PLPPR5: variants seen among roughly 807,000 people sequenced by gnomAD.
PLPPR5 encodes phospholipid phosphatase-related protein type 5.
PLPPR5 carries 16 observed loss-of-function variants against 33.9 expected under a neutral mutation model. The observed-to-expected ratio is 0.47, with a 90% CI of 0.32 to 0.72. The LOEUF is 0.72. PLPPR5 is among the 30% of genes least tolerant of loss of function. PLPPR5 has a pLI of 0.03. For missense variants in PLPPR5, 301 were observed against 406.7 expected (o/e 0.74, Z 2.23); for synonymous variants, 163 against 150.3 (o/e 1.08, Z -0.62).
intron 3 of PLPPR5, among the ~76,000 whole-genome samples, chr1:98,927,917 C>G (rs1410736825): frequency 6.6e-6 from 1 of 151,612 alleles, no homozygotes; most frequent in Admixed American, 6.6e-5. Context: ...ATAAGACTTT[C>G]ATTATATATA....
At chr1:98,910,219 C>T (rs138868858) in intron 5 of PLPPR5, among the ~76,000 whole-genome samples, 80 of 152,302 alleles carry the variant, frequency 5.3e-4, no homozygotes, top group African/African-American at 1.7e-3. Context: ...GCAGACCAAA[C>T]TTTCACACCA....
chr1:98,946,759 C>T (rs1650570087), intron 3 of PLPPR5, among the ~76,000 whole-genome samples: 1 of 152,122 alleles, frequency 6.6e-6, no homozygotes, highest in South Asian at 2.1e-4. Flanking sequence ...TCAGGGCAGA[C>T]TAATCCAGCA....
chr1:98,920,858 A>T (rs1334120047), intron 4 of PLPPR5, among the ~76,000 whole-genome samples: 1 of 152,120 alleles, frequency 6.6e-6, no homozygotes, highest in Non-Finnish European at 1.5e-5. Flanking sequence ...TCAATGCAAA[A>T]ATATGTTTTG....
At chr1:98,965,606 G>C (rs147111464) in intron 1 of PLPPR5, among the ~76,000 whole-genome samples, 76 of 152,266 alleles carry the variant, frequency 5.0e-4, no homozygotes, top group African/African-American at 1.8e-3. Context: ...ACATCACTTT[G>C]TTCTCATACC....
chr1:99,004,456 G>T lies in PLPPR5; in HGVS notation c.216C>A (p.Ala72=), dbSNP rs138815925. ...AVPPVLLYSL[A]AGVPVLVIIV... Reference sequence around the variant, plus strand: ...TTACCACGAGCACGGGGACCCCGGCGGCCAGCGAGTAGAGGAGCACGGGGG... The same window carrying T: ...TTACCACGAGCACGGGGACCCCGGCTGCCAGCGAGTAGAGGAGCACGGGGG... Residue 72 remains alanine, a synonymous_variant, in exon 1 of 6, where the codon GCC becomes GCA. Coordinates refer to ENST00000263177, the MANE Select transcript of PLPPR5 (RefSeq NM_001037317.2). 11 of 1,606,690 alleles carry T rather than the reference G, an allele frequency of 6.8e-6. No individual in the cohort carries two copies. In the African/African-American group the frequency reaches 1.5e-4, roughly 22 times the overall value.
intron 1 of PLPPR5, among the ~76,000 whole-genome samples, chr1:98,988,659 T>TAA (rs1052896541): frequency 5.1e-4 from 77 of 152,214 alleles, no homozygotes; most frequent in African/African-American, 1.8e-3. Context: ...CCCAATACCA[T>TAA]AACCACAGAT....
chr1:98,920,456 CAAA>C (rs67392220), intron 4 of PLPPR5, among the ~76,000 whole-genome samples: 87 of 94,090 alleles, frequency 9.2e-4, no homozygotes, highest in African/African-American at 2.0e-3. Flanking sequence ...TGAGTCAATG[CAAA>C]AAAAAAAAAA....
At chr1:98,963,028 C>G (rs1009179789) in intron 1 of PLPPR5, among the ~76,000 whole-genome samples, 5 of 152,172 alleles carry the variant, frequency 3.3e-5, no homozygotes, top group Admixed American at 1.3e-4. Context: ...TCATTTACTG[C>G]TGAGCCTAAA....
rs749337436 is a variant in PLPPR5, at chr1:98,953,223, C to G, written c.468G>C (p.Lys156Asn). ...NLAPHFLALCKPNYTALGCQQ... is the reference protein window; with the variant it reads ...NLAPHFLALCNPNYTALGCQQ... ...GACATCCAAGTGCTGTATAATTGGG[C>G]TTACACAGGGCAAGGAAATGTGGGG... The change falls in exon 3 of 6, where the codon AAG becomes AAC. Residue 156 changes from lysine to asparagine, a missense_variant. Transcript: ENST00000263177. The G allele has an allele frequency of 1.2e-6, 2 of 1,613,924 alleles. No individual in the cohort carries two copies. The highest frequency in any genetic ancestry group is 2.7e-5 in the African/African-American group (2 of 74,892).
intron 1 of PLPPR5, among the ~76,000 whole-genome samples, chr1:98,960,829 G>A (rs1010511439): frequency 2.0e-5 from 3 of 152,118 alleles, no homozygotes; most frequent in Non-Finnish European, 2.9e-5. Flanking sequence ...AGATGGCCCC[G>A]GCTGCTGCGC....
At chr1:98,932,767 G>A (rs1389806202) in intron 3 of PLPPR5, among the ~76,000 whole-genome samples, 2 of 152,086 alleles carry the variant, frequency 1.3e-5, no homozygotes, top group Non-Finnish European at 2.9e-5. Context: ...GTGGATAAAG[G>A]CCCAGATAGC....
chr1:98,935,347 T>A (rs1218706575), intron 3 of PLPPR5, among the ~76,000 whole-genome samples: 3 of 152,142 alleles, frequency 2.0e-5, no homozygotes, highest in African/African-American at 7.2e-5. Flanking sequence ...AAATTTTTAT[T>A]AGCAATCCAG....
At chr1:99,001,367 C>T (rs1252192176) in intron 1 of PLPPR5, among the ~76,000 whole-genome samples, 1 of 151,618 alleles carries the variant, frequency 6.6e-6, no homozygotes, top group Non-Finnish European at 1.5e-5. Flanking sequence ...GATCTCCTGA[C>T]CTTGTGATCC....
chr1:98,914,729 G>A (rs899576240), intron 5 of PLPPR5, 57 bp downstream of exon 5: 4 of 1,473,850 alleles, frequency 2.7e-6, no homozygotes, highest in Non-Finnish European at 3.7e-6. Flanking sequence ...TATACATACA[G>A]GAATAATGAT....
chr1:98,899,658 G>GTTTTT (rs397967481), intron 5 of PLPPR5, among the ~76,000 whole-genome samples: 1 of 103,344 alleles, frequency 9.7e-6, no homozygotes, highest in African/African-American at 3.3e-5. Flanking sequence ...TATTTCACTT[G>GTTTTT]TTTTTTTTTT....
At chr1:98,965,377 A>T (rs1356584741) in intron 1 of PLPPR5, among the ~76,000 whole-genome samples, 2 of 116,790 alleles carry the variant, frequency 1.7e-5, no homozygotes, top group Non-Finnish European at 3.8e-5. Context: ...AGCTCCTCGA[A>T]TCTTGCCCTG....
chr1:98,986,016 A>G (rs1184172336), intron 1 of PLPPR5, among the ~76,000 whole-genome samples: 1 of 152,020 alleles, frequency 6.6e-6, no homozygotes, highest in Admixed American at 6.6e-5. Context: ...AATTGTTAAG[A>G]ATGAGTAAAT....
intron 3 of PLPPR5, among the ~76,000 whole-genome samples, chr1:98,925,570 A>G (rs529375791): frequency 6.6e-6 from 1 of 152,212 alleles, no homozygotes. Flanking sequence ...TATAATCATA[A>G]TGTCCTATTA....
rs1226943412 is a variant in PLPPR5, at chr1:99,001,695, T to TATATATATAG, written c.237+2739_237+2740insCTATATATAT. Among the ~76,000 whole-genome samples, 4 of 144,664 alleles carry TATATATATAG rather than the reference T, an allele frequency of 2.8e-5. No homozygotes were observed. The East Asian group carries it at 8.1e-4, about 29-fold the overall frequency. The allele number at this position is 144,664 out of a possible 152,430, so 94.9% of individuals were successfully genotyped here. On this transcript the variant is annotated intron_variant, in intron 1 of 5. Transcript: ENST00000263177. ...AGATATATATATATATATATATATATATATATATATGAAGCTTTATTACTA... is the reference window on the plus strand; with the variant it reads ...AGATATATATATATATATATATATATATATATATAGATATATATATGAAGCTTTATTACTA...
Sources: gnomAD v4.1 joint callset for allele counts (sites outside exome capture counted in the v4.1 genomes callset) on GRCh38, gnomAD v4.1.1 for gene constraint, MANE v1.5 for transcripts, NCBI Gene and HGNC (gene_info 2026-07-23, HGNC 2026-07-21) for gene names.